HIRA: variants seen among roughly 807,000 people sequenced by gnomAD.
HIRA encodes histone cell cycle regulator.
HIRA carries 13 observed loss-of-function variants against 126.6 expected under a neutral mutation model. That is an observed-to-expected ratio of 0.10 (90% CI 0.07 to 0.16). The LOEUF (loss-of-function observed/expected upper bound fraction) is 0.16. Ranked by LOEUF, HIRA falls within the 10% of genes least tolerant of loss-of-function variation. The pLI, the probability that HIRA is intolerant of heterozygous loss-of-function variation, is 1.00. For synonymous variants in HIRA, 511 were observed against 520.0 expected, an observed-to-expected ratio of 0.98 and a Z score of 0.24; for missense variants, 834 against 1,314.4, an observed-to-expected ratio of 0.63 and a Z score of 5.65.
chr22:19,430,271 G>C (rs1356600124), intron 1 of HIRA: 3 of 152,250 alleles, frequency 2.0e-5, no homozygotes, highest in South Asian at 2.1e-4. Flanking sequence ...GGTAACTCAG[G>C]ATGAACAGTT....
chr22:19,369,478 G>A (rs988858347), intron 15 of HIRA, among the ~76,000 whole-genome samples: 3 of 152,190 alleles, frequency 2.0e-5, no homozygotes, highest in Admixed American at 1.3e-4. Flanking sequence ...GTTTTCCTGG[G>A]AGGTCCATTC....
intron 5 of HIRA, among the ~76,000 whole-genome samples, chr22:19,398,404 T>C (rs1441550761): frequency 6.6e-6 from 1 of 152,234 alleles, no homozygotes; most frequent in African/African-American, 2.4e-5. Flanking sequence ...TCAGCCCTGC[T>C]GACTTGCTTT....
chr22:19,403,573 C>T lies in HIRA; in HGVS notation c.397+2213G>A, dbSNP rs545337768. ...GTTGCAGTGAGCTGAGATCGTAACACTGCAGTCCAGCCTGGGCAACAGAGC... is the reference window on the plus strand; with the variant it reads ...GTTGCAGTGAGCTGAGATCGTAACATTGCAGTCCAGCCTGGGCAACAGAGC... On this transcript the variant is annotated intron_variant, in intron 5 of 24. Transcript: ENST00000263208. Among the ~76,000 whole-genome samples the T allele has an allele frequency of 3.3e-5, 5 of 152,248 alleles. No individual in the cohort carries two copies. In the South Asian group the frequency reaches 8.3e-4, roughly 25 times the overall value.
Position 19,375,910 on chromosome 22 carries a change from C to A in HIRA, c.1614-118G>T. On this transcript the variant is annotated intron_variant, in intron 14 of 24. Transcript: ENST00000263208. Reference sequence around the variant, plus strand: ...CACAAATATCAAACTTCCATAAACACAAAAAATGTCAAGATACAATCTACT... The same window carrying A: ...CACAAATATCAAACTTCCATAAACAAAAAAAATGTCAAGATACAATCTACT... 7.7e-6 allele frequency: 8 copies of A among 1,042,696 alleles called. No homozygotes were observed. The South Asian group carries it at 8.2e-5, about 11-fold the overall frequency. 64.6% of individuals were successfully genotyped at this position (1,042,696 alleles called of 1,614,324 possible). A position where few individuals can be genotyped will look rare whatever the true frequency, so the allele number is the denominator to read the frequency against.
intron 9 of HIRA, among the ~76,000 whole-genome samples, chr22:19,389,054 T>C (rs1318856766): frequency 6.6e-6 from 1 of 152,164 alleles, no homozygotes; most frequent in African/African-American, 2.4e-5. Flanking sequence ...AGTACAGAAA[T>C]ACACACCTGG....
At position 19,408,475 on chromosome 22, in the gene HIRA, T is replaced by C; in HGVS notation, c.211+8A>G. 6.4e-7 allele frequency: 1 copy of C among 1,569,742 alleles called. No homozygotes were observed. The highest frequency in any genetic ancestry group is 8.8e-7 in the Non-Finnish European group (1 of 1,139,626). On this transcript the variant is annotated splice_region_variant and intron_variant, in intron 3 of 24. Transcript: ENST00000263208. Reference sequence around the variant, plus strand: ...ACGCAAAGCCTGCAAAGGGCCACTCTGTAATACCTAAGTGATTGTCCATCT... The same window carrying C: ...ACGCAAAGCCTGCAAAGGGCCACTCCGTAATACCTAAGTGATTGTCCATCT...
intron 13 of HIRA, among the ~76,000 whole-genome samples, chr22:19,379,658 CTT>C (rs200202102): frequency 1.6e-5 from 2 of 122,402 alleles, no homozygotes; most frequent in Admixed American, 7.9e-5. Flanking sequence ...TACTTGATTT[CTT>C]TTTTTTTTTT....
At chr22:19,352,943 G>C (rs1292628211) in intron 23 of HIRA, among the ~76,000 whole-genome samples, 3 of 152,270 alleles carry the variant, frequency 2.0e-5, no homozygotes, top group Non-Finnish European at 4.4e-5. Context: ...CTCAGTAAGT[G>C]CAGGACATCA....
intron 14 of HIRA, among the ~76,000 whole-genome samples, chr22:19,376,489 C>A (rs548394519): frequency 9.2e-5 from 14 of 152,328 alleles, no homozygotes; most frequent in African/African-American, 3.1e-4. Flanking sequence ...AGACACCACA[C>A]CACATGCCTG....
rs200202102 is a variant in HIRA at position 19,379,658 on chromosome 22, C to CT, written c.1416-1593dup. On this transcript the variant is annotated intron_variant, in intron 13 of 24. Transcript: ENST00000263208. The stretch of plus-strand genomic sequence containing the variant: ...AAAAAAAAAAAGAAATACTTGATTT[C>CT]TTTTTTTTTTTTTTTGTGAACTGCT... Among the ~76,000 whole-genome samples, 827 of 122,408 alleles carry CT rather than the reference C, an allele frequency of 6.8e-3. 2 individuals are homozygous for CT. Among genetic ancestry groups the CT allele is most frequent in the East Asian group, 0.011 (40 of 3,802 alleles). 80.3% of individuals were successfully genotyped at this position (122,408 alleles called of 152,430 possible). A position where few individuals can be genotyped will look rare whatever the true frequency, so the allele number is the denominator to read the frequency against.
chr22:19,338,132 C>T (rs782019525), intron 24 of HIRA, among the ~76,000 whole-genome samples: 1 of 152,068 alleles, frequency 6.6e-6, no homozygotes, highest in Non-Finnish European at 1.5e-5. Context: ...TCAGCAGATA[C>T]CCTACAAGCC....
intron 16 of HIRA, 52 bp downstream of exon 16, chr22:19,361,675 C>G: frequency 6.3e-7 from 1 of 1,577,682 alleles, no homozygotes; most frequent in African/African-American, 1.3e-5. Flanking sequence ...CCTTCAAGCT[C>G]TAAGTACAGA....
intron 18 of HIRA, among the ~76,000 whole-genome samples, chr22:19,358,429 C>T (rs1002387389): frequency 4.6e-5 from 7 of 152,136 alleles, no homozygotes; most frequent in Admixed American, 6.5e-5. Flanking sequence ...GAGGCTGTGC[C>T]GACACCCCTT....
intron 7 of HIRA, among the ~76,000 whole-genome samples, chr22:19,394,993 C>T (rs1020834598): frequency 2.0e-5 from 3 of 152,338 alleles, no homozygotes; most frequent in Admixed American, 6.5e-5. Context: ...GAGGCACCAC[C>T]TACTCTCTTG....
intron 21 of HIRA, among the ~76,000 whole-genome samples, chr22:19,355,285 A>C (rs1449853197): frequency 6.6e-6 from 1 of 152,166 alleles, no homozygotes; most frequent in Non-Finnish European, 1.5e-5. Flanking sequence ...TTGCAAGTAC[A>C]AAAAAGGGCT....
chr22:19,426,635 G>T (rs2089490402), intron 1 of HIRA, among the ~76,000 whole-genome samples: 2 of 152,142 alleles, frequency 1.3e-5, no homozygotes, highest in African/African-American at 4.8e-5. Context: ...CTTCCACACA[G>T]CTTTCTGTTC....
At chr22:19,352,588 G>C (rs1556011235) in intron 23 of HIRA, among the ~76,000 whole-genome samples, 1 of 152,228 alleles carries the variant, frequency 6.6e-6, no homozygotes, top group Non-Finnish European at 1.5e-5. Context: ...TATTTACACA[G>C]CCAGAGGCAC....
intron 9 of HIRA, among the ~76,000 whole-genome samples, chr22:19,390,601 CAA>C (rs575050947): frequency 4.6e-3 from 175 of 38,318 alleles, no homozygotes; most frequent in Middle Eastern, 0.071. Flanking sequence ...GACTCTGTCT[CAA>C]AAAAAAAAAA....
intron 15 of HIRA, among the ~76,000 whole-genome samples, chr22:19,369,369 G>T (rs974286942): frequency 6.6e-6 from 1 of 150,602 alleles, no homozygotes; most frequent in African/African-American, 2.5e-5. Context: ...GCACAATGAA[G>T]GAACAACAGC....
Sources: allele counts gnomAD v4.1 joint callset (sites outside exome capture counted in the v4.1 genomes callset), GRCh38; gene constraint gnomAD v4.1.1; transcripts MANE v1.5; gene names NCBI Gene and HGNC (gene_info 2026-07-23, HGNC 2026-07-21).